The following SKAP1 variants were observed in gnomAD, a reference collection of about 807,000 sequenced individuals.
SKAP1 encodes src kinase-associated phosphoprotein 1.
In SKAP1, 44 loss-of-function variants were observed where a neutral mutation model predicts 58.5. The ratio of observed to expected loss-of-function variants is 0.75; its 90% CI spans 0.59 to 0.97. The LOEUF (loss-of-function observed/expected upper bound fraction) is 0.97. SKAP1 is among the 50% of genes least tolerant of loss of function. SKAP1 has a pLI of 0.00. For synonymous variants in SKAP1, 127 were observed against 149.7 expected (o/e 0.85, Z 1.11); for missense variants, 390 against 435.2 (o/e 0.90, Z 0.92).
intron 2 of SKAP1, among the ~76,000 whole-genome samples, chr17:48,393,069 C>T (rs77288104): frequency 3.3e-5 from 5 of 152,062 alleles, no homozygotes; most frequent in African/African-American, 7.2e-5. Flanking sequence ...CAGTGACCAT[C>T]GTAATAAAGC....
intron 4 of SKAP1, among the ~76,000 whole-genome samples, chr17:48,242,091 T>C (rs959368794): frequency 6.6e-6 from 1 of 152,246 alleles, no homozygotes; most frequent in Admixed American, 6.5e-5. Context: ...TATTTTTCTC[T>C]GCGTTTGCAG....
intron 1 of SKAP1, 22 bp from the exon 2 acceptor site, chr17:48,396,807 TA>T (rs1239959038): frequency 2.6e-6 from 4 of 1,567,950 alleles, no homozygotes; most frequent in East Asian, 4.5e-5. Flanking sequence ...GGAAAGTTGA[TA>T]AAACAGAAAA....
At chr17:48,317,170 C>A (rs1479959755) in intron 4 of SKAP1, among the ~76,000 whole-genome samples, 2 of 152,022 alleles carry the variant, frequency 1.3e-5, no homozygotes, top group Non-Finnish European at 2.9e-5. Context: ...CATCTGTTGA[C>A]AAGGCTGAAT....
intron 10 of SKAP1, among the ~76,000 whole-genome samples, chr17:48,165,562 A>G (rs528035897): frequency 6.6e-6 from 1 of 151,852 alleles, no homozygotes; most frequent in South Asian, 2.1e-4. Context: ...CACCACGCCC[A>G]GCTAATTTTG....
At chr17:48,281,191 A>C (rs1250455252) in intron 4 of SKAP1, among the ~76,000 whole-genome samples, 2 of 152,002 alleles carry the variant, frequency 1.3e-5, no homozygotes, top group African/African-American at 4.8e-5. Context: ...ATGCCCGGCT[A>C]ATTTTTTGTA....
At chr17:48,411,688 C>T (rs1210339820) in intron 1 of SKAP1, among the ~76,000 whole-genome samples, 1 of 152,142 alleles carries the variant, frequency 6.6e-6, no homozygotes, top group African/African-American at 2.4e-5. Context: ...GTACACTTGA[C>T]ATGATGGGAC....
At chr17:48,220,164 C>T (rs1358739049) in intron 4 of SKAP1, among the ~76,000 whole-genome samples, 2 of 152,188 alleles carry the variant, frequency 1.3e-5, no homozygotes, top group Admixed American at 1.3e-4. Flanking sequence ...GGAATACGCA[C>T]ATACCCTCTA....
intron 4 of SKAP1, among the ~76,000 whole-genome samples, chr17:48,189,776 G>C (rs1025814839): frequency 6.6e-6 from 1 of 151,718 alleles, no homozygotes; most frequent in Non-Finnish European, 1.5e-5. Context: ...CCAGGTTCGA[G>C]CCATTCTCCT....
intron 4 of SKAP1, among the ~76,000 whole-genome samples, chr17:48,267,633 T>C (rs1002339975): frequency 3.9e-5 from 6 of 152,212 alleles, no homozygotes; most frequent in African/African-American, 1.4e-4. Context: ...ACTTGCTTAG[T>C]TTAATTTGCT....
At chr17:48,252,769 T>G (rs1383010992) in intron 4 of SKAP1, among the ~76,000 whole-genome samples, 1 of 150,236 alleles carries the variant, frequency 6.7e-6, no homozygotes, top group African/African-American at 2.5e-5. Flanking sequence ...TGCTCATGTG[T>G]GTACAGATCC....
intron 6 of SKAP1, among the ~76,000 whole-genome samples, chr17:48,186,605 C>T (rs2064456688): frequency 6.6e-6 from 1 of 152,014 alleles, no homozygotes; most frequent in Admixed American, 6.6e-5. Context: ...CCTGCCTCAG[C>T]CTACAGGCAC....
At chr17:48,289,245 T>A (rs1403462641) in intron 4 of SKAP1, among the ~76,000 whole-genome samples, 2 of 152,138 alleles carry the variant, frequency 1.3e-5, no homozygotes, top group African/African-American at 4.8e-5. Context: ...TAAATACTCA[T>A]GCTTATGAGT....
At chr17:48,384,123 G>C (rs2067249224) in intron 2 of SKAP1, among the ~76,000 whole-genome samples, 1 of 152,184 alleles carries the variant, frequency 6.6e-6, no homozygotes, top group Non-Finnish European at 1.5e-5. Context: ...AACCAGAAAG[G>C]AGAATTCTGC....
intron 4 of SKAP1, among the ~76,000 whole-genome samples, chr17:48,261,912 C>T (rs1359844325): frequency 1.3e-5 from 2 of 152,174 alleles, no homozygotes; most frequent in African/African-American, 4.8e-5. Context: ...CATTCTTCCT[C>T]TTGGAAAGGC....
chr17:48,381,894 T>G (rs1365266126), intron 2 of SKAP1, among the ~76,000 whole-genome samples: 1 of 152,214 alleles, frequency 6.6e-6, no homozygotes, highest in African/African-American at 2.4e-5. Flanking sequence ...TTGTAGAAAC[T>G]ATGAGTGAAT....
At chr17:48,337,723 G>A (rs759910739) in intron 4 of SKAP1, among the ~76,000 whole-genome samples, 11 of 152,106 alleles carry the variant, frequency 7.2e-5, no homozygotes, top group Non-Finnish European at 1.6e-4. Context: ...ATCATCCTAG[G>A]AAAATAGTAA....
At chr17:48,380,060 A>G (rs1195221912) in intron 2 of SKAP1, 1 of 152,252 alleles carries the variant, frequency 6.6e-6, no homozygotes, top group Non-Finnish European at 1.5e-5. Context: ...CAAGCCATAA[A>G]AAAATGGAAT....
intron 2 of SKAP1, among the ~76,000 whole-genome samples, chr17:48,373,218 T>TC (rs1351733586): frequency 6.6e-6 from 1 of 152,126 alleles, no homozygotes; most frequent in Admixed American, 6.6e-5. Flanking sequence ...GCAAGCACCT[T>TC]CTTCACAGGG....
intron 4 of SKAP1, among the ~76,000 whole-genome samples, chr17:48,305,161 T>G (rs903117261): frequency 6.6e-6 from 1 of 152,132 alleles, no homozygotes; most frequent in African/African-American, 2.4e-5. Flanking sequence ...GTGTCAAGTT[T>G]TTGTTGTTGT....
Sources: allele counts gnomAD v4.1 joint callset (sites outside exome capture counted in the v4.1 genomes callset), GRCh38; gene constraint gnomAD v4.1.1; transcripts MANE v1.5; gene names NCBI Gene and HGNC (gene_info 2026-07-23, HGNC 2026-07-21).